The following HOMER1 variants were observed in gnomAD, a reference collection of about 807,000 sequenced individuals.
HOMER1 encodes homer protein homolog 1.
In HOMER1, 3 loss-of-function variants were observed where a neutral mutation model predicts 48.9. The observed-to-expected ratio is 0.06, with a 90% CI of 0.03 to 0.16. The LOEUF (loss-of-function observed/expected upper bound fraction) is 0.16, where lower values mean the gene tolerates loss of function less well. HOMER1 is among the 10% of genes least tolerant of loss of function. HOMER1 has a pLI of 1.00. For missense variants in HOMER1, 247 were observed against 411.4 expected, an observed-to-expected ratio of 0.60 and a Z score of 3.46; for synonymous variants, 134 against 146.4, an observed-to-expected ratio of 0.92 and a Z score of 0.61.
rs1334989408 is a variant in HOMER1, at chr5:79,495,279, C to T, written c.5+17491G>A. ...TTAACTACCTTAACTTTCTAATTAG[C>T]ATACTTCACCTCTGAAGCTTTACCT... On this transcript the variant is annotated intron_variant, in intron 1 of 8. Coordinates refer to ENST00000334082, the MANE Select transcript of HOMER1 (RefSeq NM_004272.5). 2.6e-5 allele frequency among the ~76,000 whole-genome samples: 4 copies of T among 152,134 alleles called. No individual in the cohort carries two copies. In the South Asian group the frequency reaches 6.2e-4, roughly 24 times the overall value.
chr5:79,491,233 A>G (rs138510973), intron 1 of HOMER1, among the ~76,000 whole-genome samples: 1 of 151,590 alleles, frequency 6.6e-6, no homozygotes, highest in African/African-American at 2.4e-5. Context: ...GGAATTCAAG[A>G]CCAGCCTGAG....
chr5:79,512,117 G>A (rs1752961134), intron 1 of HOMER1, among the ~76,000 whole-genome samples: 2 of 110,442 alleles, frequency 1.8e-5, no homozygotes, highest in South Asian at 5.7e-4. Context: ...TCAAACTGAA[G>A]GGCTGAGCTT....
intron 6 of HOMER1, among the ~76,000 whole-genome samples, chr5:79,399,374 A>C (rs1356900547): frequency 2.6e-5 from 4 of 152,180 alleles, no homozygotes; most frequent in South Asian, 2.1e-4. Context: ...CACAACTAGG[A>C]GTAGGAAAAG....
At chr5:79,414,391 A>G (rs1215085697) in intron 5 of HOMER1, among the ~76,000 whole-genome samples, 1 of 145,466 alleles carries the variant, frequency 6.9e-6, no homozygotes, top group African/African-American at 2.6e-5. Flanking sequence ...CTGGCCTGTT[A>G]TTTTTAGAGA....
intron 4 of HOMER1, among the ~76,000 whole-genome samples, chr5:79,444,224 A>G (rs950771957): frequency 1.3e-5 from 2 of 152,160 alleles, no homozygotes; most frequent in Non-Finnish European, 2.9e-5. Flanking sequence ...AAACTAAAAC[A>G]GACACATTAG....
chr5:79,473,737 C>T (rs1258709217), intron 1 of HOMER1, among the ~76,000 whole-genome samples: 1 of 152,076 alleles, frequency 6.6e-6, no homozygotes, highest in East Asian at 1.9e-4. Flanking sequence ...AGTGGTAATA[C>T]TAATTAGAAA....
intron 8 of HOMER1, among the ~76,000 whole-genome samples, chr5:79,385,450 G>A (rs1358692366): frequency 6.6e-6 from 1 of 152,104 alleles, no homozygotes; most frequent in East Asian, 1.9e-4. Flanking sequence ...GACATAAATA[G>A]AGAGTTCTCA....
chr5:79,462,607 C>T (rs957608222), intron 1 of HOMER1, among the ~76,000 whole-genome samples: 1 of 151,928 alleles, frequency 6.6e-6, no homozygotes, highest in African/African-American at 2.4e-5. Context: ...CAGGCATCTG[C>T]GTAATAAGAA....
chr5:79,425,044 T>C (rs1750203889), intron 5 of HOMER1, among the ~76,000 whole-genome samples: 1 of 152,078 alleles, frequency 6.6e-6, no homozygotes, highest in Admixed American at 6.5e-5. Context: ...GACTCTTCCA[T>C]GTTAAAGCTG....
chr5:79,495,902 A>G (rs1325932694), intron 1 of HOMER1, among the ~76,000 whole-genome samples: 1 of 152,210 alleles, frequency 6.6e-6, no homozygotes, highest in Non-Finnish European at 1.5e-5. Flanking sequence ...CTGGTCAAAC[A>G]TGGCAAATTA....
intron 4 of HOMER1, among the ~76,000 whole-genome samples, chr5:79,446,829 T>TA (rs869256381): frequency 6.9e-5 from 10 of 145,740 alleles, no homozygotes; most frequent in South Asian, 2.2e-4. Flanking sequence ...TTTTTTTTTT[T>TA]AATTTGTAGA....
At chr5:79,460,363 G>C (rs948072368) in intron 1 of HOMER1, among the ~76,000 whole-genome samples, 1 of 152,146 alleles carries the variant, frequency 6.6e-6, no homozygotes, top group African/African-American at 2.4e-5. Flanking sequence ...GGGAGGCAGA[G>C]GTTGCAGTAA....
At chr5:79,429,125 G>T (rs1750351318) in intron 5 of HOMER1, among the ~76,000 whole-genome samples, 1 of 152,198 alleles carries the variant, frequency 6.6e-6, no homozygotes. Context: ...GGAAGCCAAG[G>T]CGGGAGGATC....
rs1202764750 is a variant in HOMER1 at position 79,373,570 on chromosome 5, A to G, written c.*2439T>C. The G allele has an allele frequency of 6.6e-6, 1 of 151,886 alleles. No homozygotes were observed. The highest frequency in any genetic ancestry group is 2.4e-5 in the African/African-American group (1 of 41,380). 9.4% of individuals were successfully genotyped at this position (151,886 alleles called of 1,614,324 possible). On this transcript the variant is annotated 3_prime_UTR_variant, in exon 9 of 9. Coordinates refer to ENST00000334082, the MANE Select transcript of HOMER1 (RefSeq NM_004272.5). ...TGGAAAAAACTACAGTAGGCACACAACCTAATTATGACTTGTGGATGATGA... is the reference window on the plus strand; with the variant it reads ...TGGAAAAAACTACAGTAGGCACACAGCCTAATTATGACTTGTGGATGATGA...
At chr5:79,455,003 G>A (rs533912105) in intron 2 of HOMER1, among the ~76,000 whole-genome samples, 3 of 151,908 alleles carry the variant, frequency 2.0e-5, no homozygotes, top group East Asian at 3.9e-4. Flanking sequence ...ACAGGGTCTC[G>A]CTCTGGATAT....
intron 5 of HOMER1, among the ~76,000 whole-genome samples, chr5:79,413,064 T>C (rs773746955): frequency 6.6e-6 from 1 of 152,122 alleles, no homozygotes; most frequent in African/African-American, 2.4e-5. Context: ...GTCAGTGAAC[T>C]TAAAGCTTAA....
At chr5:79,376,754 C>G (rs553322528) in intron 8 of HOMER1, among the ~76,000 whole-genome samples, 2 of 151,992 alleles carry the variant, frequency 1.3e-5, no homozygotes, top group African/African-American at 4.8e-5. Context: ...CACTCAATTG[C>G]TAGAAACTGT....
At chr5:79,446,147 G>A (rs1750873522) in intron 4 of HOMER1, among the ~76,000 whole-genome samples, 1 of 152,114 alleles carries the variant, frequency 6.6e-6, no homozygotes, top group Non-Finnish European at 1.5e-5. Flanking sequence ...CCAATCCAGA[G>A]CCATACCTCC....
intron 5 of HOMER1, among the ~76,000 whole-genome samples, chr5:79,412,109 A>C (rs1430475433): frequency 1.3e-5 from 2 of 152,108 alleles, no homozygotes; most frequent in Non-Finnish European, 2.9e-5. Flanking sequence ...ACAGAGCATG[A>C]CTCCATCTCA....
Sources: gnomAD v4.1 joint callset for allele counts (sites outside exome capture counted in the v4.1 genomes callset) on GRCh38, gnomAD v4.1.1 for gene constraint, MANE v1.5 for transcripts, NCBI Gene and HGNC (gene_info 2026-07-23, HGNC 2026-07-21) for gene names.